Variants in PEMT observed in about 807,000 individuals in gnomAD.
PEMT encodes phospholipid methyltransferase.
PEMT carries 23 observed loss-of-function variants against 27.4 expected under a neutral mutation model. That is an observed-to-expected ratio of 0.84 (90% CI 0.60 to 1.19). The LOEUF (loss-of-function observed/expected upper bound fraction) is 1.19. Ranked by LOEUF, PEMT falls within the 50% of genes most tolerant of loss-of-function variation. PEMT has a pLI of 0.00. For missense variants in PEMT, 307 were observed against 310.1 expected (o/e 0.99, Z 0.07); for synonymous variants, 137 against 139.1 (o/e 0.98, Z 0.11).
intron 5 of PEMT, among the ~76,000 whole-genome samples, chr17:17,506,549 C>T (rs1159969613): frequency 6.6e-6 from 1 of 152,218 alleles, no homozygotes; most frequent in Non-Finnish European, 1.5e-5. Context: ...TGGCTGGGTT[C>T]CCTCAGGGTG....
At chr17:17,535,626 G>A (rs1908410776) in intron 2 of PEMT, among the ~76,000 whole-genome samples, 1 of 152,118 alleles carries the variant, frequency 6.6e-6, no homozygotes, top group Non-Finnish European at 1.5e-5. Context: ...ATATGCATGT[G>A]AGATATTTAC....
chr17:17,506,238 G>A lies in PEMT; in HGVS notation c.642C>T (p.Leu214=), dbSNP rs773986707. Residue 214 remains leucine, a synonymous_variant, in exon 6 of 7, where the codon CTC becomes CTT. Coordinates refer to ENST00000255389, the MANE Select transcript of PEMT (RefSeq NM_148172.3). ...VLVALTYIVA[L]LYEEPFTAEI... ...CAGCCCCTACTCACTCTTCGTATAG[G>A]AGAGCCACTATGTAGGTGAGGGCCA... 6.3e-7 allele frequency: 1 copy of A among 1,577,094 alleles called. No homozygotes were observed.
At chr17:17,524,268 G>A (rs2142546934) in intron 2 of PEMT, among the ~76,000 whole-genome samples, 1 of 152,314 alleles carries the variant, frequency 6.6e-6, no homozygotes, top group Non-Finnish European at 1.5e-5. Flanking sequence ...TTTTGTGGAT[G>A]TGTGTTTTCA....
At position 17,531,972 on chromosome 17, in the gene PEMT, C is replaced by T. The variant is rs142502381; in HGVS notation, c.205-9577G>A. On this transcript the variant is annotated intron_variant, in intron 2 of 6. Transcript: ENST00000255389. ...ACTGGCAGAAAATATTGGCAAAGCA[C>T]ATACTTCTTGAGGGACTTATATCAA... is the stretch of plus-strand genomic sequence containing the variant. Among the ~76,000 whole-genome samples the T allele has an allele frequency of 2.3e-4, 35 of 152,290 alleles. No homozygotes were observed. The East Asian group carries it at 3.7e-3, about 16-fold the overall frequency.
chr17:17,551,863 G>T (rs74848782), intron 2 of PEMT, among the ~76,000 whole-genome samples: 1 of 152,170 alleles, frequency 6.6e-6, no homozygotes. Flanking sequence ...TGAGACGGAC[G>T]GTTAATTTTT....
At chr17:17,535,232 T>C (rs1908375259) in intron 2 of PEMT, among the ~76,000 whole-genome samples, 1 of 152,226 alleles carries the variant, frequency 6.6e-6, no homozygotes, top group South Asian at 2.1e-4. Flanking sequence ...TAAAATGAAA[T>C]TATTAATTTT....
Position 17,505,741 on chromosome 17 carries a change from G to C in PEMT, c.*50C>G. Reference sequence around the variant, plus strand: ...CGCCCTGCGCAGGGCCTGCCACTTGGGGCAGGCCAGGAGGCTGGCCAGGCC... The same window carrying C: ...CGCCCTGCGCAGGGCCTGCCACTTGCGGCAGGCCAGGAGGCTGGCCAGGCC... On this transcript the variant is annotated 3_prime_UTR_variant, in exon 7 of 7. Coordinates refer to ENST00000255389, the MANE Select transcript of PEMT (RefSeq NM_148172.3). 3 of 1,552,578 alleles carry C rather than the reference G, an allele frequency of 1.9e-6. No individual in the cohort carries two copies. The highest frequency in any genetic ancestry group is 2.6e-6 in the Non-Finnish European group (3 of 1,150,132).
chr17:17,570,959 G>C, intron 2 of PEMT: 1 of 971,618 alleles, frequency 1.0e-6, no homozygotes, highest in Non-Finnish European at 1.2e-6. Flanking sequence ...GGAGGTCTTG[G>C]CAGGGGCTCC....
chr17:17,570,344 A>G (rs951032819), intron 2 of PEMT: 1 of 171,246 alleles, frequency 5.8e-6, no homozygotes, highest in Non-Finnish European at 1.2e-5. Context: ...GCTGAGGGGT[A>G]GGTACTCAGA....
chr17:17,571,037 G>T, intron 2 of PEMT: 1 of 290,406 alleles, frequency 3.4e-6, no homozygotes, highest in Non-Finnish European at 5.1e-6. Context: ...GCCCTGAGGA[G>T]TCCAGGCCAC....
chr17:17,550,477 TC>T, intron 2 of PEMT, among the ~76,000 whole-genome samples: 1 of 151,778 alleles, frequency 6.6e-6, no homozygotes, highest in Non-Finnish European at 1.5e-5. Flanking sequence ...GGACCCCCCT[TC>T]CCCCCACTCC....
At chr17:17,508,664 T>C (rs70965415) in intron 5 of PEMT, 5,106 of 377,590 alleles carry the variant, frequency 0.014, 47 homozygotes, top group Non-Finnish European at 0.017. Flanking sequence ...GGGCTGGGTA[T>C]GAAGCCGAGG....
chr17:17,586,277 A>AAAGAAAGG (rs1912295510), intron 1 of PEMT, among the ~76,000 whole-genome samples: 2 of 111,298 alleles, frequency 1.8e-5, no homozygotes, highest in African/African-American at 9.2e-5. Flanking sequence ...AGAAAGAAAG[A>AAAGAAAGG]AAGAAAGAAA....
intron 2 of PEMT, among the ~76,000 whole-genome samples, chr17:17,542,557 A>C (rs1053800489): frequency 6.6e-6 from 1 of 152,184 alleles, no homozygotes; most frequent in African/African-American, 2.4e-5. Context: ...CAAGGACACA[A>C]ACAGATTGAG....
At chr17:17,548,284 G>A (rs1909399898) in intron 2 of PEMT, among the ~76,000 whole-genome samples, 1 of 152,252 alleles carries the variant, frequency 6.6e-6, no homozygotes, top group African/African-American at 2.4e-5. Flanking sequence ...GGTAGGCTGG[G>A]CCAAGCCGTG....
chr17:17,535,206 G>C (rs951949204), intron 2 of PEMT, among the ~76,000 whole-genome samples: 2 of 152,030 alleles, frequency 1.3e-5, no homozygotes, highest in African/African-American at 4.8e-5. Flanking sequence ...ACCACGTCTG[G>C]CCTGTAAGGC....
At position 17,577,148 on chromosome 17, in the gene PEMT, G is replaced by A. The variant is rs115315217; in HGVS notation, c.97-121C>T. On this transcript the variant is annotated intron_variant, in intron 1 of 6. Coordinates refer to ENST00000255389, the MANE Select transcript of PEMT (RefSeq NM_148172.3). ...GGGAGGCCTGGGAACATCCAAGTCC[G>A]GCAAAGGTTACTACAGTGTAGTCTC... The A allele has an allele frequency of 1.4e-3, 1,024 of 726,268 alleles. 10 individuals carry two copies. The highest frequency in any genetic ancestry group is 0.013 in the African/African-American group (724 of 57,492). The allele number at this position is 726,268 out of a possible 1,614,324, so 45.0% of individuals were successfully genotyped here. A position where few individuals can be genotyped will look rare whatever the true frequency, so the allele number is the denominator to read the frequency against.
intron 1 of PEMT, among the ~76,000 whole-genome samples, chr17:17,580,421 G>A (rs1911903657): frequency 6.6e-6 from 1 of 152,038 alleles, no homozygotes; most frequent in Non-Finnish European, 1.5e-5. Context: ...AGGTTGCAGT[G>A]AGCCAAGATT....
At chr17:17,543,100 C>G (rs1225193074) in intron 2 of PEMT, among the ~76,000 whole-genome samples, 1 of 152,210 alleles carries the variant, frequency 6.6e-6, no homozygotes. Context: ...GACTCTCAGG[C>G]CCTGGCCCGG....
Sources: allele counts gnomAD v4.1 joint callset (sites outside exome capture counted in the v4.1 genomes callset), GRCh38; gene constraint gnomAD v4.1.1; transcripts MANE v1.5; gene names NCBI Gene and HGNC (gene_info 2026-07-23, HGNC 2026-07-21).